The following CDKAL1 variants were observed in gnomAD, a reference collection of about 807,000 sequenced individuals.
CDKAL1 encodes threonylcarbamoyladenosine tRNA methylthiotransferase.
CDKAL1 carries 32 observed loss-of-function variants against 68.2 expected under a neutral mutation model. The ratio of observed to expected loss-of-function variants is 0.47; its 90% confidence interval spans 0.35 to 0.63. The LOEUF (loss-of-function observed/expected upper bound fraction) is 0.63. Ranked by LOEUF, CDKAL1 falls within the 30% of genes least tolerant of loss-of-function variation. The pLI, the probability that CDKAL1 is intolerant of heterozygous loss-of-function variation, is 0.00. For missense variants in CDKAL1, 606 were observed against 696.7 expected (o/e 0.87, Z 1.47); for synonymous variants, 234 against 244.3 (o/e 0.96, Z 0.39).
intron 7 of CDKAL1, among the ~76,000 whole-genome samples, chr6:20,777,054 G>A (rs1036303393): frequency 3.3e-5 from 5 of 152,160 alleles, no homozygotes; most frequent in Non-Finnish European, 7.3e-5. Flanking sequence ...ATGGACAGAC[G>A]GACTAGCCAG....
chr6:21,039,439 G>A (rs373227656), intron 11 of CDKAL1, among the ~76,000 whole-genome samples: 1 of 152,158 alleles, frequency 6.6e-6, no homozygotes, highest in African/African-American at 2.4e-5. Context: ...TCAGCAATTA[G>A]TTTTCTTGTT....
intron 9 of CDKAL1, among the ~76,000 whole-genome samples, chr6:20,926,117 A>G (rs1374592844): frequency 1.3e-5 from 2 of 152,152 alleles, no homozygotes; most frequent in African/African-American, 4.8e-5. Context: ...TTGATACATG[A>G]CATCAGTATG....
chr6:21,217,920 G>A (rs1053421778), intron 15 of CDKAL1, among the ~76,000 whole-genome samples: 1 of 152,218 alleles, frequency 6.6e-6, no homozygotes, highest in African/African-American at 2.4e-5. Context: ...ACTGTGCCCA[G>A]CTGGGATTTC....
chr6:20,946,746 G>A (rs993469898), intron 9 of CDKAL1, among the ~76,000 whole-genome samples: 4 of 151,816 alleles, frequency 2.6e-5, no homozygotes, highest in South Asian at 4.2e-4. Context: ...ACAGGCATGC[G>A]CCACCACGCC....
At chr6:20,817,898 T>G (rs1486443983) in intron 8 of CDKAL1, among the ~76,000 whole-genome samples, 2 of 152,162 alleles carry the variant, frequency 1.3e-5, no homozygotes, top group Non-Finnish European at 2.9e-5. Context: ...CAAGGAATGC[T>G]TTATGATAAT....
intron 9 of CDKAL1, among the ~76,000 whole-genome samples, chr6:20,921,460 T>C (rs1047776550): frequency 6.6e-6 from 1 of 152,072 alleles, no homozygotes; most frequent in Non-Finnish European, 1.5e-5. Context: ...AACAAACAAA[T>C]GAACTAAGGC....
In CDKAL1 at chr6:20,613,249, C is replaced by CTTTT. The variant is rs71559677; in HGVS notation, c.287-36004_287-36001dup. ...TATCAGTTCATCACAAAATTTCTTT[C>CTTTT]TTTTTTTTTTTTTTTTTTTTTTTTT... is the stretch of plus-strand genomic sequence containing the variant. On this transcript the variant is annotated intron_variant, in intron 4 of 15. Transcript: ENST00000274695. Among the ~76,000 whole-genome samples, 330 of 77,802 alleles carry CTTTT rather than the reference C, an allele frequency of 4.2e-3. 32 individuals carry two copies. Among genetic ancestry groups the CTTTT allele is most frequent in the Non-Finnish European group, 6.4e-3 (261 of 40,786 alleles). 51.0% of individuals were successfully genotyped at this position (77,802 alleles called of 152,430 possible). A position where few individuals can be genotyped will look rare whatever the true frequency, so the allele number is the denominator to read the frequency against.
intron 2 of CDKAL1, among the ~76,000 whole-genome samples, chr6:20,537,919 A>G (rs1284163825): frequency 3.3e-5 from 5 of 152,128 alleles, no homozygotes. Context: ...TCAAAGTAAA[A>G]CCTTTAGCTT....
chr6:20,928,105 T>C (rs1047250073), intron 9 of CDKAL1, among the ~76,000 whole-genome samples: 3 of 152,190 alleles, frequency 2.0e-5, no homozygotes, highest in Non-Finnish European at 2.9e-5. Context: ...CCAGGGAAAC[T>C]ATGACTCTTG....
intron 12 of CDKAL1, among the ~76,000 whole-genome samples, chr6:21,073,073 T>G (rs1771878062): frequency 6.6e-6 from 1 of 152,164 alleles, no homozygotes; most frequent in Non-Finnish European, 1.5e-5. Flanking sequence ...TTTGGAAACA[T>G]GGAGTGTGTA....
Position 21,084,087 on chromosome 6 carries a change from G to A in CDKAL1, c.1236+18859G>A, listed in dbSNP as rs74725582. ...ATCCCAAGTATTGAATAGGATTGTAGAAGAAAGAAACGGGAGGCCTTGAAA... is the reference window on the plus strand; with the variant it reads ...ATCCCAAGTATTGAATAGGATTGTAAAAGAAAGAAACGGGAGGCCTTGAAA... On this transcript the variant is annotated intron_variant, in intron 12 of 15. Transcript: ENST00000274695. 1.3e-4 allele frequency among the ~76,000 whole-genome samples: 20 copies of A among 152,264 alleles called. No individual in the cohort carries two copies. The East Asian group carries it at 3.9e-3, about 29-fold the overall frequency.
At chr6:21,128,391 C>G (rs1482669945) in intron 13 of CDKAL1, among the ~76,000 whole-genome samples, 1 of 152,078 alleles carries the variant, frequency 6.6e-6, no homozygotes, top group Non-Finnish European at 1.5e-5. Flanking sequence ...AGGATGTAAC[C>G]ACATCATATG....
intron 13 of CDKAL1, among the ~76,000 whole-genome samples, chr6:21,180,967 G>A (rs1037936991): frequency 1.3e-5 from 2 of 152,138 alleles, no homozygotes; most frequent in African/African-American, 4.8e-5. Context: ...TAGAGGCCGT[G>A]AAGTCCAAGA....
At chr6:20,736,128 T>G (rs1486199144) in intron 5 of CDKAL1, among the ~76,000 whole-genome samples, 1 of 147,076 alleles carries the variant, frequency 6.8e-6, no homozygotes, top group Non-Finnish European at 1.5e-5. Context: ...AACTATTTCT[T>G]TTTTTTTTTT....
chr6:20,803,469 C>T (rs375091363), intron 8 of CDKAL1, among the ~76,000 whole-genome samples: 3 of 152,124 alleles, frequency 2.0e-5, no homozygotes, highest in Admixed American at 6.5e-5. Context: ...TTGTTAATCA[C>T]GTTTGTACAA....
intron 15 of CDKAL1, among the ~76,000 whole-genome samples, chr6:21,215,921 C>T (rs903941558): frequency 1.3e-5 from 2 of 152,124 alleles, no homozygotes; most frequent in Non-Finnish European, 2.9e-5. Flanking sequence ...CTGCCCTTAA[C>T]ATAAGGAGGG....
At chr6:20,545,789 A>G (rs1334267124) in intron 2 of CDKAL1, among the ~76,000 whole-genome samples, 1 of 152,242 alleles carries the variant, frequency 6.6e-6, no homozygotes, top group Non-Finnish European at 1.5e-5. Flanking sequence ...GTCCTTTTAA[A>G]GTAAATTATA....
chr6:21,223,028 G>A (rs1488087236), intron 15 of CDKAL1, among the ~76,000 whole-genome samples: 2 of 152,140 alleles, frequency 1.3e-5, no homozygotes, highest in Non-Finnish European at 2.9e-5. Flanking sequence ...CTGCAAGACA[G>A]GTAGCGTGAA....
intron 6 of CDKAL1, among the ~76,000 whole-genome samples, chr6:20,756,452 G>A (rs1360844944): frequency 6.6e-6 from 1 of 152,134 alleles, no homozygotes; most frequent in Non-Finnish European, 1.5e-5. Context: ...TGTCTCTGTA[G>A]TATTTGACAC....
Sources: allele counts gnomAD v4.1 joint callset (sites outside exome capture counted in the v4.1 genomes callset), GRCh38; gene constraint gnomAD v4.1.1; transcripts MANE v1.5; gene names NCBI Gene and HGNC (gene_info 2026-07-23, HGNC 2026-07-21).